NR2F1-AS1: variants seen among roughly 807,000 people sequenced by gnomAD.
The protein encoded by NR2F1-AS1 is NR2F1 regulatory antisense RNA 1.
chr5:93,466,904 T>TTGG (rs1554065104), intron 4 of NR2F1-AS1, among the ~76,000 whole-genome samples: 4 of 15,530 alleles, frequency 2.6e-4, no homozygotes, highest in Non-Finnish European at 3.4e-4. Context: ...ATCCCTTTTT[T>TTGG]GGGGGGGGGG....
chr5:93,560,838 T>C (rs1229184720), intron 2 of NR2F1-AS1, among the ~76,000 whole-genome samples: 1 of 152,244 alleles, frequency 6.6e-6, no homozygotes, highest in African/African-American at 2.4e-5. Flanking sequence ...TATATTCCCA[T>C]ATGAATTTCA....
intron 4 of NR2F1-AS1, among the ~76,000 whole-genome samples, chr5:93,460,871 T>C (rs1180204859): frequency 6.6e-6 from 1 of 152,170 alleles, no homozygotes; most frequent in Non-Finnish European, 1.5e-5. Flanking sequence ...AGGAACACTT[T>C]TACACTGTTG....
chr5:93,465,635 T>C (rs1043640711), intron 4 of NR2F1-AS1, among the ~76,000 whole-genome samples: 3 of 152,056 alleles, frequency 2.0e-5, no homozygotes, highest in African/African-American at 4.8e-5. Flanking sequence ...TGTATGTTTA[T>C]TGCAGCACTA....
chr5:93,450,823 G>A (rs1749810628), intron 4 of NR2F1-AS1, among the ~76,000 whole-genome samples: 1 of 150,450 alleles, frequency 6.6e-6, no homozygotes, highest in Non-Finnish European at 1.5e-5. Context: ...AGTACTTCGG[G>A]AGGGATCGCT....
intron 4 of NR2F1-AS1, among the ~76,000 whole-genome samples, chr5:93,513,923 C>T (rs1358084587): frequency 2.6e-5 from 4 of 152,054 alleles, no homozygotes; most frequent in South Asian, 2.1e-4. Flanking sequence ...AAGATTCAAG[C>T]TTGTAAAGTA....
intron 4 of NR2F1-AS1, among the ~76,000 whole-genome samples, chr5:93,465,722 C>T: frequency 6.6e-6 from 1 of 152,128 alleles, no homozygotes; most frequent in Non-Finnish European, 1.5e-5. Flanking sequence ...GACACATATA[C>T]AACATGGAAT....
At chr5:93,416,244 C>T (rs1748965369) in intron 4 of NR2F1-AS1, among the ~76,000 whole-genome samples, 1 of 152,208 alleles carries the variant, frequency 6.6e-6, no homozygotes, top group African/African-American at 2.4e-5. Flanking sequence ...TATAAAGTTC[C>T]ATTTCCTTCT....
chr5:93,582,436 T>C (rs1379975116), upstream of NR2F1-AS1, among the ~76,000 whole-genome samples: 1 of 152,146 alleles, frequency 6.6e-6, no homozygotes, highest in East Asian at 1.9e-4. Context: ...AACCAAGGTA[T>C]ACTTTGGATT....
At chr5:93,563,755 T>C (rs1481090657) in intron 1 of NR2F1-AS1, among the ~76,000 whole-genome samples, 1 of 152,116 alleles carries the variant, frequency 6.6e-6, no homozygotes, top group Non-Finnish European at 1.5e-5. Context: ...ACATGTAAGA[T>C]AATTTGACCT....
At chr5:93,462,326 T>C (rs1247029285) in intron 4 of NR2F1-AS1, among the ~76,000 whole-genome samples, 1 of 152,154 alleles carries the variant, frequency 6.6e-6, no homozygotes, top group Non-Finnish European at 1.5e-5. Flanking sequence ...CAAGCTCTCT[T>C]CTCTTGTCCA....
At chr5:93,538,712 ATAAT>A (rs1266812143) in intron 4 of NR2F1-AS1, among the ~76,000 whole-genome samples, 1 of 152,214 alleles carries the variant, frequency 6.6e-6, no homozygotes, top group Non-Finnish European at 1.5e-5. Context: ...AGATGAGTAA[ATAAT>A]TATCTTGTTT....
At chr5:93,507,786 T>C (rs1751217663) in intron 4 of NR2F1-AS1, among the ~76,000 whole-genome samples, 1 of 152,194 alleles carries the variant, frequency 6.6e-6, no homozygotes, top group African/African-American at 2.4e-5. Flanking sequence ...ACAAGGTTAC[T>C]GGGAATAAGA....
chr5:93,472,720 C>T (rs1014797498), intron 4 of NR2F1-AS1, among the ~76,000 whole-genome samples: 2 of 151,724 alleles, frequency 1.3e-5, no homozygotes, highest in African/African-American at 4.8e-5. Flanking sequence ...CAAACCAACA[C>T]TATATTGAAT....
At chr5:93,469,534 C>T (rs1750322100) in intron 4 of NR2F1-AS1, among the ~76,000 whole-genome samples, 1 of 152,012 alleles carries the variant, frequency 6.6e-6, no homozygotes, top group Non-Finnish European at 1.5e-5. Context: ...AGTAAACAAT[C>T]ACAGTATTAA....
At position 93,568,810 on chromosome 5, in the gene NR2F1-AS1, A is replaced by C. The variant is rs894640066; in HGVS notation, n.314-5347T>G. ...TTGCTGCTACTGATGAACTGTCAGC[A>C]ATTTAATCCAGTGAAATCTTACACA... is the stretch of plus-strand genomic sequence containing the variant. On this transcript the variant is annotated intron_variant and non_coding_transcript_variant, in intron 1 of 5. Transcript: ENST00000660523. Among the ~76,000 whole-genome samples, 13 of 152,158 alleles carry C rather than the reference A, an allele frequency of 8.5e-5. 1 individual carries two copies. Among genetic ancestry groups the C allele is most frequent in the Admixed American group, 8.5e-4 (13 of 15,282 alleles).
intron 4 of NR2F1-AS1, among the ~76,000 whole-genome samples, chr5:93,530,115 C>G (rs1043706602): frequency 3.3e-5 from 4 of 122,854 alleles, no homozygotes; most frequent in Non-Finnish European, 6.4e-5. Flanking sequence ...GAGTCTTGCT[C>G]TATCGCCCAG....
chr5:93,417,473 A>G (rs992814910), intron 4 of NR2F1-AS1, among the ~76,000 whole-genome samples: 2 of 152,244 alleles, frequency 1.3e-5, no homozygotes, highest in Admixed American at 6.5e-5. Flanking sequence ...CTGCCAATAC[A>G]TAACAACCAA....
At chr5:93,534,542 A>T (rs1751800298) in intron 4 of NR2F1-AS1, among the ~76,000 whole-genome samples, 1 of 152,216 alleles carries the variant, frequency 6.6e-6, no homozygotes, top group African/African-American at 2.4e-5. Context: ...AATGAAAATA[A>T]ATCCCATTTT....
chr5:93,537,042 T>C (rs1040357044), intron 4 of NR2F1-AS1, among the ~76,000 whole-genome samples: 1 of 152,226 alleles, frequency 6.6e-6, no homozygotes, highest in Non-Finnish European at 1.5e-5. Context: ...TCCGCAGCCA[T>C]GTGGAACTGT....
Sources: allele counts gnomAD v4.1 joint callset (sites outside exome capture counted in the v4.1 genomes callset), GRCh38; gene constraint gnomAD v4.1.1; transcripts MANE v1.5; gene names NCBI Gene and HGNC (gene_info 2026-07-23, HGNC 2026-07-21).